The following FGD5 variants were observed in gnomAD, a reference collection of about 807,000 sequenced individuals.
FGD5 encodes FYVE, RhoGEF and PH domain containing 5.
A neutral mutation model predicts 133.4 loss-of-function variants in FGD5; 28 were observed. The ratio of observed to expected loss-of-function variants is 0.21; its 90% CI spans 0.16 to 0.29. The LOEUF is 0.29. Ranked by LOEUF, FGD5 falls within the 10% of genes least tolerant of loss-of-function variation. The pLI is 1.00. For synonymous variants in FGD5, 810 were observed against 776.5 expected, an observed-to-expected ratio of 1.04 and a Z score of -0.72; for missense variants, 1,858 against 1,895.2, an observed-to-expected ratio of 0.98 and a Z score of 0.36.
At chr3:14,841,848 G>GC (rs905327954) in intron 1 of FGD5, among the ~76,000 whole-genome samples, 6 of 152,140 alleles carry the variant, frequency 3.9e-5, no homozygotes, top group African/African-American at 1.4e-4. Flanking sequence ...GGGTTTAGAA[G>GC]CCCCCCACCT....
At chr3:14,844,211 AAAAAAAATATATATATATATAT>A (rs2036984883) in intron 1 of FGD5, among the ~76,000 whole-genome samples, 1 of 41,470 alleles carries the variant, frequency 2.4e-5, no homozygotes, top group African/African-American at 9.1e-5. Flanking sequence ...CATTAAAAAA[AAAAAAAATATATATATATATAT>A]ATATATATAT....
In FGD5 at chr3:14,922,317, C is replaced by G; in HGVS notation, c.3670-94C>G. Reference sequence around the variant, plus strand: ...CCCACTCACCCACACATCACACACCCTGCACAGAGACGCAGGGCAGGGCTC... The same window carrying G: ...CCCACTCACCCACACATCACACACCGTGCACAGAGACGCAGGGCAGGGCTC... On this transcript the variant is annotated intron_variant, in intron 14 of 19. Coordinates refer to ENST00000285046, the MANE Select transcript of FGD5 (RefSeq NM_152536.4). The surrounding 1 kb of genome is among the most constrained non-coding windows in gnomAD (Gnocchi z 4.1). The G allele has an allele frequency of 6.6e-7, 1 of 1,510,974 alleles. No individual in the cohort carries two copies. Among genetic ancestry groups the G allele is most frequent in the Admixed American group, 2.0e-5 (1 of 50,012 alleles). 93.6% of individuals were successfully genotyped at this position (1,510,974 alleles called of 1,614,324 possible). A position where few individuals can be genotyped will look rare whatever the true frequency, so the allele number is the denominator to read the frequency against.
intron 2 of FGD5, among the ~76,000 whole-genome samples, chr3:14,878,310 G>A (rs1176568921): frequency 6.6e-6 from 1 of 152,210 alleles, no homozygotes; most frequent in African/African-American, 2.4e-5. Flanking sequence ...TGAAATGGAT[G>A]TGATTGATTC....
intron 1 of FGD5, among the ~76,000 whole-genome samples, chr3:14,823,204 C>G (rs543192832): frequency 3.2e-4 from 48 of 152,270 alleles, no homozygotes; most frequent in African/African-American, 1.2e-3. Context: ...TGAGTGCCTC[C>G]TAGCACTGAG....
intron 2 of FGD5, among the ~76,000 whole-genome samples, chr3:14,871,392 G>A (rs1458729235): frequency 1.3e-5 from 2 of 152,232 alleles, no homozygotes; most frequent in African/African-American, 4.8e-5. Context: ...AAACTCGAAT[G>A]TCTGACAGTT....
chr3:14,833,601 TG>T (rs1258262193), intron 1 of FGD5, among the ~76,000 whole-genome samples: 1 of 152,116 alleles, frequency 6.6e-6, no homozygotes, highest in Non-Finnish European at 1.5e-5. Context: ...CATTTTTGGC[TG>T]GCAGATAGCA....
intron 4 of FGD5, among the ~76,000 whole-genome samples, chr3:14,895,411 T>G (rs1242943355): frequency 2.6e-5 from 4 of 152,212 alleles, no homozygotes; most frequent in Non-Finnish European, 5.9e-5. Flanking sequence ...CTAGTGTCAT[T>G]CTTCTGCATT....
At chr3:14,898,239 A>G (rs2038173552) in intron 6 of FGD5, 144 bp downstream of exon 6, 5 of 1,106,202 alleles carry the variant, frequency 4.5e-6, no homozygotes, top group Non-Finnish European at 6.5e-6. Context: ...GGATGAGAGG[A>G]TGACCCATCA....
Position 14,820,029 on chromosome 3 carries a change from T to G in FGD5, c.958T>G (p.Ser320Ala), listed in dbSNP as rs1575185531. The change falls in exon 1 of 20, where the codon TCC (serine) becomes GCC (alanine). Residue 320 changes from serine to alanine, a missense_variant. By Grantham distance (99) the Ser-to-Ala change is moderately conservative. Transcript: ENST00000285046. ...ATLEDHAQDE[S>A]AEESCQIVPF... ...CCTGGAGGACCATGCACAGGATGAG[T>G]CCGCCGAGGAGAGCTGCCAGATTGT... 2 of 1,613,898 alleles carry G rather than the reference T, an allele frequency of 1.2e-6. No homozygotes were observed. The highest frequency in any genetic ancestry group is 1.7e-6 in the Non-Finnish European group (2 of 1,179,862).
chr3:14,909,518 T>C (rs2038405410), intron 10 of FGD5, among the ~76,000 whole-genome samples: 1 of 152,234 alleles, frequency 6.6e-6, no homozygotes, highest in African/African-American at 2.4e-5. Context: ...ACTGTGGTCA[T>C]CTGAAATACC....
At chr3:14,898,136 A>G in intron 6 of FGD5, 41 bp downstream of exon 6, 1 of 1,611,638 alleles carries the variant, frequency 6.2e-7, no homozygotes, top group South Asian at 1.1e-5. Context: ...GTAAGGATGC[A>G]GGGGTTGAGG....
rs1329172421 is a variant in FGD5, at chr3:14,880,642, A to G, written c.2717+12A>G. ...TCTTCAGAGAAAGCGTGAGTCCCCA[A>G]GGAGCTGCCTGTGGCCTTGAGCTTA... On this transcript the variant is annotated intron_variant, in intron 3 of 19. Transcript: ENST00000285046. 1.2e-6 allele frequency: 2 copies of G among 1,613,902 alleles called. No homozygotes were observed. Among genetic ancestry groups the G allele is most frequent in the Non-Finnish European group, 1.7e-6 (2 of 1,179,902 alleles).
chr3:14,882,066 G>A (rs956442386), intron 4 of FGD5, among the ~76,000 whole-genome samples: 1 of 152,162 alleles, frequency 6.6e-6, no homozygotes, highest in African/African-American at 2.4e-5. Context: ...CCTCATTTTT[G>A]TGCCCTCAGG....
intron 2 of FGD5, among the ~76,000 whole-genome samples, chr3:14,878,857 C>T (rs921694081): frequency 4.6e-5 from 7 of 152,082 alleles, no homozygotes; most frequent in African/African-American, 1.7e-4. Flanking sequence ...CAGGCGCCCA[C>T]CACCATGCCC....
At chr3:14,894,520 T>A (rs1380140816) in intron 4 of FGD5, among the ~76,000 whole-genome samples, 2 of 150,362 alleles carry the variant, frequency 1.3e-5, no homozygotes, top group South Asian at 2.1e-4. Context: ...TTTTTTTTTT[T>A]TTTTTCCTTT....
Position 14,922,909 on chromosome 3 carries a change from C to T in FGD5, c.3808-137C>T, listed in dbSNP as rs1280917824. 8.8e-6 allele frequency: 11 copies of T among 1,245,862 alleles called. No homozygotes were observed. In the East Asian group the frequency reaches 9.4e-5, roughly 11 times the overall value. 77.2% of individuals were successfully genotyped at this position (1,245,862 alleles called of 1,614,324 possible). ...AGCCTTGCCGGAAAAGTAGGGGACACGCACAGCTCCATGATCAGAACCTGG... is the reference window on the plus strand; with the variant it reads ...AGCCTTGCCGGAAAAGTAGGGGACATGCACAGCTCCATGATCAGAACCTGG... On this transcript the variant is annotated intron_variant, in intron 15 of 19. Coordinates refer to ENST00000285046, the MANE Select transcript of FGD5 (RefSeq NM_152536.4). This position sits in a 1 kb window ranked among gnomAD's most constrained non-coding sequence, Gnocchi z 4.1.
At chr3:14,823,155 A>G (rs933635787) in intron 1 of FGD5, among the ~76,000 whole-genome samples, 2 of 152,212 alleles carry the variant, frequency 1.3e-5, no homozygotes, top group Non-Finnish European at 2.9e-5. Flanking sequence ...CATTACATTA[A>G]TAACAATCGG....
chr3:14,813,163 G>A (rs1459815052), intron 1 of FGD5, among the ~76,000 whole-genome samples: 4 of 152,032 alleles, frequency 2.6e-5, no homozygotes, highest in Admixed American at 6.6e-5. Flanking sequence ...GTTATTTTCC[G>A]GAACTTCTCA....
intron 1 of FGD5, among the ~76,000 whole-genome samples, chr3:14,848,496 G>A (rs1368519114): frequency 7.2e-5 from 11 of 152,178 alleles, no homozygotes; most frequent in East Asian, 1.9e-4. Context: ...GAACCAAGAT[G>A]CAAAAAGGCC....
Sources: gnomAD v4.1 joint callset for allele counts (sites outside exome capture counted in the v4.1 genomes callset) on GRCh38, gnomAD v4.1.1 for gene constraint, Gnocchi (gnomAD v3.1) non-coding constraint, MANE v1.5 for transcripts, NCBI Gene and HGNC (gene_info 2026-07-23, HGNC 2026-07-21) for gene names.